Variants in ST3GAL4 observed in about 807,000 individuals in gnomAD.
ST3GAL4 encodes the protein CMP-N-acetylneuraminate-beta-galactosamide-alpha-2,3-sialyltransferase 4.
ST3GAL4 carries 24 observed loss-of-function variants against 42.6 expected under a neutral mutation model. That is an observed-to-expected ratio of 0.56 (90% CI 0.41 to 0.79). The LOEUF (loss-of-function observed/expected upper bound fraction) is 0.79, where lower values mean the gene tolerates loss of function less well. Among genes scored for constraint, ST3GAL4 ranks in the 30% least tolerant of loss-of-function variants. The pLI is 0.00. For synonymous variants in ST3GAL4, 135 were observed against 163.2 expected (o/e 0.83, Z 1.32); for missense variants, 311 against 430.8 (o/e 0.72, Z 2.46).
At chr11:126,402,397 C>T (rs563076050) in intron 1 of ST3GAL4, among the ~76,000 whole-genome samples, 5 of 146,670 alleles carry the variant, frequency 3.4e-5, no homozygotes, top group Non-Finnish European at 3.0e-5. Flanking sequence ...TGGAGGTTGC[C>T]GTAAGCTGAT....
At chr11:126,405,349 C>T (rs181531295) in intron 1 of ST3GAL4, among the ~76,000 whole-genome samples, 1 of 152,348 alleles carries the variant, frequency 6.6e-6, no homozygotes, top group East Asian at 1.9e-4. Context: ...ACAGTCCTCA[C>T]CTTACTACCT....
At chr11:126,403,402 A>G in intron 1 of ST3GAL4, 3 of 985,454 alleles carry the variant, frequency 3.0e-6, no homozygotes, top group Non-Finnish European at 3.6e-6. Context: ...CCTGGAGGAT[A>G]CCTGTGTATC....
rs555480742 is a variant in ST3GAL4 at position 126,393,029 on chromosome 11, C to T, written c.-60-13067C>T. On this transcript the variant is annotated intron_variant, in intron 1 of 10. Transcript: ENST00000444328. The surrounding 1 kb of genome is among the most constrained non-coding windows in gnomAD (Gnocchi z 5.9). Reference sequence around the variant, plus strand: ...GATCATAGCTTACTGCAGCCTCGATCTCCTGGACTCAGGGGGTCCTCCTGT... The same window carrying T: ...GATCATAGCTTACTGCAGCCTCGATTTCCTGGACTCAGGGGGTCCTCCTGT... Among the ~76,000 whole-genome samples, 11 of 148,888 alleles carry T rather than the reference C, an allele frequency of 7.4e-5. No individual in the cohort carries two copies. Among genetic ancestry groups the T allele is most frequent in the African/African-American group, 2.7e-4 (11 of 40,114 alleles).
intron 1 of ST3GAL4, among the ~76,000 whole-genome samples, chr11:126,405,306 C>T (rs1460212176): frequency 6.6e-6 from 1 of 152,228 alleles, no homozygotes; most frequent in East Asian, 1.9e-4. Context: ...TGCTTGTGTG[C>T]AGGGGTGAAC....
chr11:126,381,446 G>C (rs1258103713), intron 1 of ST3GAL4, among the ~76,000 whole-genome samples: 1 of 151,506 alleles, frequency 6.6e-6, no homozygotes, highest in Non-Finnish European at 1.5e-5. Flanking sequence ...GGGCAGAGGA[G>C]GAAAGGAGGA....
intron 1 of ST3GAL4, among the ~76,000 whole-genome samples, chr11:126,365,863 G>T (rs952124569): frequency 2.0e-5 from 3 of 152,164 alleles, no homozygotes; most frequent in Non-Finnish European, 4.4e-5. Flanking sequence ...TGGGCGCCGG[G>T]CCAGGAAGTG....
In ST3GAL4 at chr11:126,391,257, C is replaced by G. The variant is rs1953501640; in HGVS notation, c.-60-14839C>G. 6.6e-6 allele frequency among the ~76,000 whole-genome samples: 1 copy of G among 151,556 alleles called. No individual in the cohort carries two copies. Among genetic ancestry groups the G allele is most frequent in the South Asian group, 2.1e-4 (1 of 4,814 alleles). Reference sequence around the variant, plus strand: ...TGTCCCTTGCTTTTCCCTTTGCTTCCTTGTTTTTTTTTTTTCTTTTTGTTT... The same window carrying G: ...TGTCCCTTGCTTTTCCCTTTGCTTCGTTGTTTTTTTTTTTTCTTTTTGTTT... On this transcript the variant is annotated intron_variant, in intron 1 of 10. Coordinates refer to ENST00000444328, the MANE Select transcript of ST3GAL4 (RefSeq NM_001254757.2). The surrounding 1 kb of genome is among the most constrained non-coding windows in gnomAD (Gnocchi z 5.5).
Position 126,363,714 on chromosome 11 carries a change from T to A in ST3GAL4, c.-61+7872T>A, listed in dbSNP as rs1414501703. On this transcript the variant is annotated intron_variant, in intron 1 of 10. Transcript: ENST00000444328. This position sits in a 1 kb window ranked among gnomAD's most constrained non-coding sequence, Gnocchi z 4.6. ...ATGGGCTGACTAAGCTTCCCTAGCC[T>A]GGGACCTGAACCCTCCACCCTCCTC... Among the ~76,000 whole-genome samples the A allele has an allele frequency of 2.6e-5, 4 of 152,232 alleles. No homozygotes were observed. The highest frequency in any genetic ancestry group is 6.5e-5 in the Admixed American group (1 of 15,292).
chr11:126,385,367 TG>T (rs1367984142), intron 1 of ST3GAL4, among the ~76,000 whole-genome samples: 3 of 151,976 alleles, frequency 2.0e-5, no homozygotes, highest in African/African-American at 7.3e-5. Flanking sequence ...TTAGCCAGGA[TG>T]GTCTCGATCT....
rs1953753405 is a variant in ST3GAL4 at position 126,396,253 on chromosome 11, A to G, written c.-60-9843A>G. Reference sequence around the variant, plus strand: ...CTGTGGGTTGGCAGACACTGTGGAGACTGACTCCTGGACAGGCTGTGGAAT... The same window carrying G: ...CTGTGGGTTGGCAGACACTGTGGAGGCTGACTCCTGGACAGGCTGTGGAAT... On this transcript the variant is annotated intron_variant, in intron 1 of 10. Coordinates refer to ENST00000444328, the MANE Select transcript of ST3GAL4 (RefSeq NM_001254757.2). This position sits in a 1 kb window ranked among gnomAD's most constrained non-coding sequence, Gnocchi z 5.8. Among the ~76,000 whole-genome samples, 1 of 151,916 alleles carries G rather than the reference A, an allele frequency of 6.6e-6. No individual in the cohort carries two copies. Among genetic ancestry groups the G allele is most frequent in the African/African-American group, 2.4e-5 (1 of 41,296 alleles).
In ST3GAL4 at chr11:126,413,597, C is replaced by A. The variant is rs150658726; in HGVS notation, c.864C>A (p.Asn288Lys). The A allele has an allele frequency of 6.2e-7, 1 of 1,614,274 alleles. No homozygotes were observed. Among genetic ancestry groups the A allele is most frequent in the East Asian group, 2.2e-5 (1 of 44,882 alleles). Residue 288 changes from asparagine (N) to lysine (K), a missense_variant, in exon 10 of 11, where the codon AAC becomes AAA. Coordinates refer to ENST00000444328, the MANE Select transcript of ST3GAL4 (RefSeq NM_001254757.2). ...IAGFGYPDAY[N>K]KKQTIHYYEQ... ...GCTTTGGCTACCCAGACGCCTACAA[C>A]AAGAAGCAGACCATTCACTACTATG... is the stretch of plus-strand genomic sequence containing the variant.
rs1384762726 is a variant in ST3GAL4 at position 126,398,186 on chromosome 11, G to A, written c.-60-7910G>A. 1.3e-5 allele frequency among the ~76,000 whole-genome samples: 2 copies of A among 152,202 alleles called. No individual in the cohort carries two copies. Among genetic ancestry groups the A allele is most frequent in the African/African-American group, 4.8e-5 (2 of 41,448 alleles). On this transcript the variant is annotated intron_variant, in intron 1 of 10. Coordinates refer to ENST00000444328, the MANE Select transcript of ST3GAL4 (RefSeq NM_001254757.2). The surrounding 1 kb of genome is among the most constrained non-coding windows in gnomAD (Gnocchi z 4.7). ...TGAATCAAATTCCCCTCCAGTCATG[G>A]GCTGTGAAATCAAGCAAGTTGTCTG...
chr11:126,401,968 T>C (rs979475634), intron 1 of ST3GAL4, among the ~76,000 whole-genome samples: 1 of 151,616 alleles, frequency 6.6e-6, no homozygotes, highest in Non-Finnish European at 1.5e-5. Context: ...GACTTGAGCA[T>C]GTTTATAAGT....
chr11:126,409,167 C>A lies in ST3GAL4; in HGVS notation c.628-101C>A. The A allele has an allele frequency of 6.8e-7, 1 of 1,467,082 alleles. No individual in the cohort carries two copies. The highest frequency in any genetic ancestry group is 9.4e-7 in the Non-Finnish European group (1 of 1,068,628). 90.9% of individuals were successfully genotyped at this position (1,467,082 alleles called of 1,614,324 possible). A position where few individuals can be genotyped will look rare whatever the true frequency, so the allele number is the denominator to read the frequency against. On this transcript the variant is annotated intron_variant, in intron 8 of 10. Transcript: ENST00000444328. This position sits in a 1 kb window ranked among gnomAD's most constrained non-coding sequence, Gnocchi z 4.9. ...ACCTTGTGCTCCTGAAGGCCTCTGC[C>A]ATCGCTTGGACCCCCTCGCCTCGCT...
chr11:126,377,201 T>TA (rs1952854629), intron 1 of ST3GAL4, among the ~76,000 whole-genome samples: 1 of 152,130 alleles, frequency 6.6e-6, no homozygotes, highest in Admixed American at 6.5e-5. Context: ...GATCGAGTCT[T>TA]ACTCTGTCGC....
intron 1 of ST3GAL4, among the ~76,000 whole-genome samples, chr11:126,369,389 ACGT>A: frequency 6.6e-6 from 1 of 152,050 alleles, no homozygotes; most frequent in South Asian, 2.1e-4. Context: ...CTGGGATTAC[ACGT>A]GTGTGCCACC....
intron 1 of ST3GAL4, among the ~76,000 whole-genome samples, chr11:126,402,912 C>T (rs1954069761): frequency 6.6e-6 from 1 of 152,210 alleles, no homozygotes; most frequent in Non-Finnish European, 1.5e-5. Flanking sequence ...CTTTGCCCAG[C>T]AGGTCGGGTG....
intron 1 of ST3GAL4, among the ~76,000 whole-genome samples, chr11:126,356,699 T>C (rs1294268312): frequency 7.9e-5 from 12 of 152,208 alleles, no homozygotes; most frequent in Admixed American, 7.8e-4. Context: ...GTGCCCTGTC[T>C]GACCTCATGG....
At position 126,359,550 on chromosome 11, in the gene ST3GAL4, C is replaced by T. The variant is rs1237321239; in HGVS notation, c.-61+3708C>T. The stretch of plus-strand genomic sequence containing the variant: ...TTTTGCCCCATGAAGAAACAGATCC[C>T]AGCTCAAAGGCGTGAAGGGGTTTGC... On this transcript the variant is annotated intron_variant, in intron 1 of 10. Transcript: ENST00000444328. The surrounding 1 kb of genome is among the most constrained non-coding windows in gnomAD (Gnocchi z 4.8). Among the ~76,000 whole-genome samples the T allele has an allele frequency of 6.6e-6, 1 of 152,152 alleles. No individual in the cohort carries two copies. Among genetic ancestry groups the T allele is most frequent in the African/African-American group, 2.4e-5 (1 of 41,442 alleles).
Sources: allele counts gnomAD v4.1 joint callset (sites outside exome capture counted in the v4.1 genomes callset), GRCh38; gene constraint gnomAD v4.1.1; non-coding constraint Gnocchi (gnomAD v3.1); transcripts MANE v1.5; gene names NCBI Gene and HGNC (gene_info 2026-07-23, HGNC 2026-07-21).